Variants in MGAT4C observed in about 807,000 individuals in gnomAD.
The protein encoded by MGAT4C is MGAT4 family member C, also known as alpha-1,3-mannosyl-glycoprotein 4-beta-N-acetylglucosaminyltransferase C.
In MGAT4C, 19 loss-of-function variants were observed where a neutral mutation model predicts 40.1. The ratio of observed to expected loss-of-function variants is 0.47; its 90% confidence interval spans 0.33 to 0.70. The LOEUF (loss-of-function observed/expected upper bound fraction) is 0.70, where lower values mean the gene tolerates loss of function less well. Ranked by LOEUF, MGAT4C falls within the 30% of genes least tolerant of loss-of-function variation. The pLI is 0.02. For synonymous variants in MGAT4C, 181 were observed against 187.1 expected, an observed-to-expected ratio of 0.97 and a Z score of 0.27; for missense variants, 491 against 563.2, an observed-to-expected ratio of 0.87 and a Z score of 1.30.
At chr12:86,157,861 C>T (rs79762793) in intron 1 of MGAT4C, among the ~76,000 whole-genome samples, 410 of 152,170 alleles carry the variant, frequency 2.7e-3, no homozygotes, top group African/African-American at 9.4e-3. Flanking sequence ...GGCTCCTCCT[C>T]CGACATGTGG....
At chr12:86,336,654 C>T (rs1344958862) in intron 3 of MGAT4C, among the ~76,000 whole-genome samples, 1 of 152,000 alleles carries the variant, frequency 6.6e-6, no homozygotes, top group African/African-American at 2.4e-5. Flanking sequence ...ATTATCCAGG[C>T]AATTTTCAGT....
intron 2 of MGAT4C, among the ~76,000 whole-genome samples, chr12:86,020,789 G>A (rs1889632596): frequency 6.6e-6 from 1 of 152,162 alleles, no homozygotes; most frequent in South Asian, 2.1e-4. Context: ...TACCATCAGA[G>A]TGAACAGGCA....
chr12:86,272,916 A>G (rs1427833926), intron 4 of MGAT4C, among the ~76,000 whole-genome samples: 2 of 152,204 alleles, frequency 1.3e-5, no homozygotes, highest in Non-Finnish European at 2.9e-5. Flanking sequence ...ATGGCGGACA[A>G]AGGACCTGAT....
chr12:86,624,333 C>A (rs1962732611), intron 2 of MGAT4C, among the ~76,000 whole-genome samples: 1 of 152,108 alleles, frequency 6.6e-6, no homozygotes, highest in Non-Finnish European at 1.5e-5. Flanking sequence ...ACTGTTCTCT[C>A]AATTCTGGTT....
chr12:86,834,347 G>T (rs531301886), intron 1 of MGAT4C, among the ~76,000 whole-genome samples: 41 of 151,736 alleles, frequency 2.7e-4, no homozygotes, highest in Non-Finnish European at 4.0e-4. Flanking sequence ...GGAAATATTT[G>T]CCTGGAGTTA....
chr12:86,503,778 AG>A (rs1958417404), intron 2 of MGAT4C, among the ~76,000 whole-genome samples: 1 of 22,560 alleles, frequency 4.4e-5, no homozygotes, highest in Non-Finnish European at 8.2e-5. Context: ...ATATATATAG[AG>A]TTCTGCTCAT....
intron 1 of MGAT4C, among the ~76,000 whole-genome samples, chr12:86,735,537 G>T (rs181050911): frequency 6.6e-6 from 1 of 151,878 alleles, no homozygotes; most frequent in African/African-American, 2.4e-5. Flanking sequence ...ATCTGTGATG[G>T]ATAGATTTCT....
chr12:86,657,533 G>A (rs2195229), intron 2 of MGAT4C, among the ~76,000 whole-genome samples: 13,265 of 151,578 alleles, frequency 0.088, 948 homozygotes, highest in African/African-American at 0.2. Context: ...TAAGAAAACC[G>A]GATAACTATA....
chr12:86,553,566 CTA>C (rs1263881940), intron 2 of MGAT4C, among the ~76,000 whole-genome samples: 1 of 152,066 alleles, frequency 6.6e-6, no homozygotes, highest in Admixed American at 6.6e-5. Flanking sequence ...GAAACTTGTT[CTA>C]TAATCGTTTA....
chr12:86,491,031 A>G (rs973004562), intron 2 of MGAT4C, among the ~76,000 whole-genome samples: 1 of 152,178 alleles, frequency 6.6e-6, no homozygotes, highest in African/African-American at 2.4e-5. Context: ...AAGGATACCC[A>G]GGAATTGAAC....
intron 2 of MGAT4C, among the ~76,000 whole-genome samples, chr12:86,689,523 ATAT>A (rs1950136497): frequency 1.3e-5 from 2 of 151,902 alleles, no homozygotes; most frequent in South Asian, 4.2e-4. Context: ...GTTGATGTTG[ATAT>A]TATTGCTTTC....
At chr12:86,578,826 G>C (rs563404555) in intron 2 of MGAT4C, among the ~76,000 whole-genome samples, 2 of 150,892 alleles carry the variant, frequency 1.3e-5, no homozygotes, top group African/African-American at 2.4e-5. Flanking sequence ...TTGATCTTTT[G>C]TATTTTTTAT....
chr12:86,590,657 TA>T (rs1961295022), intron 2 of MGAT4C, among the ~76,000 whole-genome samples: 1 of 151,948 alleles, frequency 6.6e-6, no homozygotes, highest in African/African-American at 2.4e-5. Flanking sequence ...GGCTTAAGCT[TA>T]CACAGGCATA....
Position 85,965,320 on chromosome 12 carries a change from C to G in MGAT4C, c.*13969G>C, listed in dbSNP as rs943107371. Reference sequence around the variant, plus strand: ...CTTGGGAATAAGGACACTCTGGGCCCGGCGCGGTGGCTCACGCATGTAATC... The same window carrying G: ...CTTGGGAATAAGGACACTCTGGGCCGGGCGCGGTGGCTCACGCATGTAATC... On this transcript the variant is annotated 3_prime_UTR_variant, in exon 5 of 5. Transcript: ENST00000611864. 2 of 151,596 alleles carry G rather than the reference C, an allele frequency of 1.3e-5. No individual in the cohort carries two copies. The highest frequency in any genetic ancestry group is 2.4e-5 in the African/African-American group (1 of 41,274). The allele number at this position is 151,596 out of a possible 1,614,324, so 9.4% of individuals were successfully genotyped here. A position where few individuals can be genotyped will look rare whatever the true frequency, so the allele number is the denominator to read the frequency against.
At chr12:86,626,453 G>A (rs1962807267) in intron 2 of MGAT4C, among the ~76,000 whole-genome samples, 1 of 152,112 alleles carries the variant, frequency 6.6e-6, no homozygotes, top group Non-Finnish European at 1.5e-5. Context: ...AATATGTTCT[G>A]ATTTTATTAA....
intron 2 of MGAT4C, among the ~76,000 whole-genome samples, chr12:86,706,677 C>T (rs1950465302): frequency 6.6e-6 from 1 of 152,100 alleles, no homozygotes; most frequent in Admixed American, 6.6e-5. Flanking sequence ...CATTATTATT[C>T]CCTAAATTAT....
intron 1 of MGAT4C, among the ~76,000 whole-genome samples, chr12:86,767,406 T>C (rs928005300): frequency 2.6e-5 from 4 of 152,260 alleles, no homozygotes; most frequent in East Asian, 1.9e-4. Flanking sequence ...CAGGACCAGA[T>C]GGATTCACAG....
chr12:86,346,162 A>G lies in MGAT4C; in HGVS notation c.-119-12035T>C, dbSNP rs146296666. Among the ~76,000 whole-genome samples the G allele has an allele frequency of 3.3e-3, 497 of 152,322 alleles. 1 individual carries two copies. Among genetic ancestry groups the G allele is most frequent in the African/African-American group, 0.012 (482 of 41,584 alleles). On this transcript the variant is annotated intron_variant, in intron 3 of 7. Transcript: ENST00000548651. The stretch of plus-strand genomic sequence containing the variant: ...TTGCATTATAATATGCAGCATCAGA[A>G]GAAGGCCACCTATCATTTGCTATAC...
intron 1 of MGAT4C, among the ~76,000 whole-genome samples, chr12:86,205,280 T>G (rs1027277350): frequency 4.0e-5 from 6 of 151,394 alleles, no homozygotes; most frequent in African/African-American, 1.4e-4. Context: ...TATTCATATA[T>G]GCATTGAAAA....
Sources: allele counts gnomAD v4.1 joint callset (sites outside exome capture counted in the v4.1 genomes callset), GRCh38; gene constraint gnomAD v4.1.1; transcripts MANE v1.5; gene names NCBI Gene and HGNC (gene_info 2026-07-23, HGNC 2026-07-21).